Variants in SPSB4 observed in about 807,000 individuals in gnomAD.
SPSB4 encodes the protein SPRY domain-containing SOCS box protein 4.
Under a neutral mutation model 20.9 loss-of-function variants are expected in SPSB4, and 21 were observed. That is an observed-to-expected ratio of 1.01 (90% CI 0.71 to 1.45). The LOEUF is 1.45. Ranked by LOEUF, SPSB4 falls within the 40% of genes most tolerant of loss-of-function variation. The pLI is 0.00. For synonymous variants in SPSB4, 207 were observed against 183.8 expected, an observed-to-expected ratio of 1.13 and a Z score of -1.02; for missense variants, 399 against 399.2, an observed-to-expected ratio of 1.00 and a Z score of 0.00.
chr3:141,081,548 G>A (rs914412194), intron 2 of SPSB4, among the ~76,000 whole-genome samples: 11 of 152,130 alleles, frequency 7.2e-5, no homozygotes, highest in South Asian at 2.1e-4. Flanking sequence ...AACCTTAGGC[G>A]AATGTCAAAG....
chr3:141,108,612 C>T (rs551322549), intron 2 of SPSB4, among the ~76,000 whole-genome samples: 8 of 152,146 alleles, frequency 5.3e-5, no homozygotes, highest in African/African-American at 1.7e-4. Context: ...AGGATCAGAC[C>T]GAGGCCATGC....
At chr3:141,056,413 C>G (rs1937640342) in intron 1 of SPSB4, among the ~76,000 whole-genome samples, 1 of 152,208 alleles carries the variant, frequency 6.6e-6, no homozygotes, top group South Asian at 2.1e-4. Flanking sequence ...TTTCTCCTCT[C>G]TTCCTCTCAT....
intron 1 of SPSB4, among the ~76,000 whole-genome samples, chr3:141,055,133 G>A (rs554581420): frequency 6.6e-6 from 1 of 152,198 alleles, no homozygotes; most frequent in Non-Finnish European, 1.5e-5. Flanking sequence ...TGCAGATGTG[G>A]TGCAAGAGAT....
Position 141,081,723 on chromosome 3 carries a change from C to T in SPSB4, c.694+14925C>T, listed in dbSNP as rs188534976. 3.0e-4 allele frequency among the ~76,000 whole-genome samples: 45 copies of T among 152,166 alleles called. No homozygotes were observed. The Middle Eastern group carries it at 0.017, about 58-fold the overall frequency. On this transcript the variant is annotated intron_variant, in intron 2 of 2. Coordinates refer to ENST00000310546, the MANE Select transcript of SPSB4 (RefSeq NM_080862.3). ...CTTGCTAGCTCTGTGTCCTTGGGGA[C>T]GTCCCTGAGCCTGCTGAGCCTCCAT... is the stretch of plus-strand genomic sequence containing the variant.
intron 2 of SPSB4, among the ~76,000 whole-genome samples, chr3:141,116,784 T>C (rs1439309607): frequency 2.6e-5 from 4 of 152,258 alleles, no homozygotes; most frequent in African/African-American, 7.2e-5. Context: ...ACTATTATTA[T>C]TGCCAAAAAA....
chr3:141,128,600 G>A (rs557498059), intron 2 of SPSB4, among the ~76,000 whole-genome samples: 3 of 152,280 alleles, frequency 2.0e-5, no homozygotes, highest in East Asian at 1.9e-4. Flanking sequence ...ACGGGGTGCC[G>A]GCACAGAATG....
At chr3:141,075,537 C>T (rs961756702) in intron 2 of SPSB4, among the ~76,000 whole-genome samples, 1 of 152,144 alleles carries the variant, frequency 6.6e-6, no homozygotes, top group African/African-American at 2.4e-5. Flanking sequence ...CTTCTCAAAC[C>T]TCAGTGTGCA....
chr3:141,066,359 C>T lies in SPSB4; in HGVS notation c.255C>T (p.Asp85=), dbSNP rs1163148270. 8 of 1,556,636 alleles carry T rather than the reference C, an allele frequency of 5.1e-6. No homozygotes were observed. The highest frequency in any genetic ancestry group is 1.9e-5 in the Admixed American group (1 of 51,890). ...GGCACCCCGTGGCCCAGAGCACCGA[C>T]GGCATCCGCGGCAAGGTGGGCCACG... The part of the protein sequence containing the change: ...FHRHPVAQST[D]GIRGKVGHAR... Residue 85 remains aspartate, a synonymous_variant, in exon 2 of 3, where the codon GAC becomes GAT. Transcript: ENST00000310546.
At chr3:141,144,152 G>A (rs190447597) in intron 2 of SPSB4, among the ~76,000 whole-genome samples, 6 of 152,268 alleles carry the variant, frequency 3.9e-5, no homozygotes, top group Admixed American at 1.3e-4. Context: ...CCTATCAGAC[G>A]TCTTCATCAC....
chr3:141,080,188 T>C (rs1421812191), intron 2 of SPSB4: 1 of 152,190 alleles, frequency 6.6e-6, no homozygotes, highest in Non-Finnish European at 1.5e-5. Flanking sequence ...ACAAGTTAAT[T>C]GAGGCCCAGA....
At chr3:141,145,636 A>G (rs1441116838) in intron 2 of SPSB4, among the ~76,000 whole-genome samples, 1 of 152,210 alleles carries the variant, frequency 6.6e-6, no homozygotes, top group African/African-American at 2.4e-5. Flanking sequence ...TAGGATGTTT[A>G]TGAAATATCA....
chr3:141,140,999 C>G (rs1198929791), intron 2 of SPSB4, among the ~76,000 whole-genome samples: 1 of 151,002 alleles, frequency 6.6e-6, no homozygotes, highest in Non-Finnish European at 1.5e-5. Context: ...TTCCTGGCCA[C>G]TTGGTTTTAC....
At chr3:141,146,461 A>G (rs1386439118) in intron 2 of SPSB4, among the ~76,000 whole-genome samples, 2 of 152,088 alleles carry the variant, frequency 1.3e-5, no homozygotes, top group Non-Finnish European at 2.9e-5. Context: ...TCATGACCTG[A>G]AGTGAGAAGT....
intron 2 of SPSB4, among the ~76,000 whole-genome samples, chr3:141,068,871 A>G (rs1234218445): frequency 6.6e-6 from 1 of 152,240 alleles, no homozygotes; most frequent in African/African-American, 2.4e-5. Context: ...TATTGGAATC[A>G]GGAGCAGGGA....
chr3:141,078,535 T>C (rs186675018), intron 2 of SPSB4, among the ~76,000 whole-genome samples: 12 of 152,286 alleles, frequency 7.9e-5, no homozygotes, highest in Middle Eastern at 3.4e-3. Context: ...TGGAACAAGC[T>C]TGGGGGACCT....
rs574855314 is a variant in SPSB4, at chr3:141,125,781, A to AACTTT, written c.695-21359_695-21355dup. ...GCTCCTGCATATTGGGCTCATTTTGAACTTTAATGACACCAAAAACAAAAC... is the reference window on the plus strand; with the variant it reads ...GCTCCTGCATATTGGGCTCATTTTGAACTTTACTTTAATGACACCAAAAACAAAAC... On this transcript the variant is annotated intron_variant, in intron 2 of 2. Transcript: ENST00000310546. Among the ~76,000 whole-genome samples, 438 of 152,300 alleles carry AACTTT rather than the reference A, an allele frequency of 2.9e-3. 2 individuals are homozygous for AACTTT. The highest frequency in any genetic ancestry group is 0.027 in the Middle Eastern group (8 of 292).
At chr3:141,079,637 G>T (rs1026212657) in intron 2 of SPSB4, among the ~76,000 whole-genome samples, 1 of 152,162 alleles carries the variant, frequency 6.6e-6, no homozygotes, top group Admixed American at 6.5e-5. Context: ...GGGCAGCAGT[G>T]GTGGGCAAGG....
chr3:141,066,023 C>G lies in SPSB4; in HGVS notation c.-82C>G, dbSNP rs1371463454. On this transcript the variant is annotated 5_prime_UTR_variant, in exon 2 of 3. Coordinates refer to ENST00000310546, the MANE Select transcript of SPSB4 (RefSeq NM_080862.3). ...CGTCCGGAAGCCTGGTTCCCAGCCC[C>G]GTGGCCCATTCCTGGCTACGGGGAG... is the stretch of plus-strand genomic sequence containing the variant. 7.9e-7 allele frequency: 1 copy of G among 1,272,966 alleles called. No individual in the cohort carries two copies. The highest frequency in any genetic ancestry group is 1.0e-6 in the Non-Finnish European group (1 of 967,684). The allele number at this position is 1,272,966 out of a possible 1,614,324, so 78.9% of individuals were successfully genotyped here.
At chr3:141,055,667 A>C (rs1406461040) in intron 1 of SPSB4, among the ~76,000 whole-genome samples, 1 of 152,150 alleles carries the variant, frequency 6.6e-6, no homozygotes, top group African/African-American at 2.4e-5. Flanking sequence ...AGTGGTGGGG[A>C]CCAAGAGACG....
Sources: allele counts gnomAD v4.1 joint callset (sites outside exome capture counted in the v4.1 genomes callset), GRCh38; gene constraint gnomAD v4.1.1; transcripts MANE v1.5; gene names NCBI Gene and HGNC (gene_info 2026-07-23, HGNC 2026-07-21).